MICOS10: variants seen among roughly 807,000 people sequenced by gnomAD.
MICOS10 encodes the protein MICOS complex subunit MIC10.
In MICOS10, 5 loss-of-function variants were observed where a neutral mutation model predicts 13.4. The ratio of observed to expected loss-of-function variants is 0.37; its 90% CI spans 0.20 to 0.78. The LOEUF (loss-of-function observed/expected upper bound fraction) is 0.78. Among genes scored for constraint, MICOS10 ranks in the 30% least tolerant of loss-of-function variants. The pLI is 0.47. For missense variants in MICOS10, 101 were observed against 94.6 expected (o/e 1.07, Z -0.28); for synonymous variants, 35 against 33.6 (o/e 1.04, Z -0.15).
intron 3 of MICOS10, among the ~76,000 whole-genome samples, chr1:19,624,633 C>T (rs2094916069): frequency 6.6e-6 from 1 of 152,102 alleles, no homozygotes; most frequent in Admixed American, 6.5e-5. Flanking sequence ...AACTTCTTAC[C>T]CACACCTCCA....
intron 2 of MICOS10, among the ~76,000 whole-genome samples, chr1:19,622,710 T>C (rs1157718892): frequency 6.6e-6 from 1 of 152,172 alleles, no homozygotes; most frequent in African/African-American, 2.4e-5. Flanking sequence ...AATTAACACA[T>C]AGTGCTGATA....
At chr1:19,623,071 G>A (rs540428338) in intron 2 of MICOS10, among the ~76,000 whole-genome samples, 9 of 151,958 alleles carry the variant, frequency 5.9e-5, no homozygotes, top group East Asian at 1.9e-4. Flanking sequence ...ACAGGCACAC[G>A]CCACCATGCC....
chr1:19,609,194 A>AAG (rs1403475749), intron 1 of MICOS10, among the ~76,000 whole-genome samples: 5 of 151,750 alleles, frequency 3.3e-5, no homozygotes, highest in African/African-American at 7.3e-5. Context: ...TAATCATAGG[A>AAG]AGACAACACA....
At chr1:19,602,866 C>T (rs2094821036) in intron 1 of MICOS10, among the ~76,000 whole-genome samples, 1 of 152,102 alleles carries the variant, frequency 6.6e-6, no homozygotes, top group African/African-American at 2.4e-5. Context: ...TTCTGGTCTC[C>T]ACAGAGCCGA....
At chr1:19,604,434 G>A (rs749645100) in intron 1 of MICOS10, among the ~76,000 whole-genome samples, 1 of 152,104 alleles carries the variant, frequency 6.6e-6, no homozygotes, top group Non-Finnish European at 1.5e-5. Flanking sequence ...GCTGGAACCC[G>A]GGAGTAGCAA....
intron 1 of MICOS10, among the ~76,000 whole-genome samples, chr1:19,607,458 T>G (rs1407234289): frequency 6.6e-6 from 1 of 152,232 alleles, no homozygotes; most frequent in African/African-American, 2.4e-5. Flanking sequence ...AAATATTTAC[T>G]TATAAAAGTC....
intron 1 of MICOS10, among the ~76,000 whole-genome samples, chr1:19,606,211 G>A (rs1161628913): frequency 6.6e-6 from 1 of 152,176 alleles, no homozygotes; most frequent in African/African-American, 2.4e-5. Flanking sequence ...AACTTGAAAT[G>A]CAGGCTCAGG....
chr1:19,604,805 T>A (rs2094828994), intron 1 of MICOS10, among the ~76,000 whole-genome samples: 1 of 152,116 alleles, frequency 6.6e-6, no homozygotes. Flanking sequence ...TTGAGGAATG[T>A]GAAAAGGATG....
rs1030939970 is a variant in MICOS10, at chr1:19,625,677, G to A, written c.223-710G>A. 4.0e-6 allele frequency: 5 copies of A among 1,264,284 alleles called. No individual in the cohort carries two copies. In the African/African-American group the frequency reaches 6.1e-5, roughly 15 times the overall value. 78.3% of individuals were successfully genotyped at this position (1,264,284 alleles called of 1,614,324 possible). Reference sequence around the variant, plus strand: ...TCCATTGTTCCAAACTGAGTTGTCAGGGATAATGGCTCAGGGGTGATTATA... The same window carrying A: ...TCCATTGTTCCAAACTGAGTTGTCAAGGATAATGGCTCAGGGGTGATTATA... On this transcript the variant is annotated intron_variant, in intron 3 of 3. Coordinates refer to ENST00000322753, the MANE Select transcript of MICOS10 (RefSeq NM_001032363.4).
intron 1 of MICOS10, among the ~76,000 whole-genome samples, chr1:19,606,662 C>G (rs908865421): frequency 3.0e-4 from 45 of 152,148 alleles, no homozygotes; most frequent in African/African-American, 1.1e-3. Context: ...AGGAGAATCA[C>G]TTGAACCTGG....
rs545917392 is a variant in MICOS10, at chr1:19,627,589, C to G, written c.*1188C>G. 6.6e-6 allele frequency: 1 copy of G among 152,234 alleles called. No homozygotes were observed. Among genetic ancestry groups the G allele is most frequent in the African/African-American group, 2.4e-5 (1 of 41,444 alleles). The allele number at this position is 152,234 out of a possible 1,614,324, so 9.4% of individuals were successfully genotyped here. On this transcript the variant is annotated 3_prime_UTR_variant, in exon 4 of 4. Coordinates refer to ENST00000322753, the MANE Select transcript of MICOS10 (RefSeq NM_001032363.4). ...TGTCTCCCTAGGATGGCCCCACAGG[C>G]GACGGAATGCCTGCGCTGGGACCCG...
intron 1 of MICOS10, among the ~76,000 whole-genome samples, chr1:19,606,043 A>G (rs1014869006): frequency 6.6e-6 from 1 of 152,196 alleles, no homozygotes; most frequent in African/African-American, 2.4e-5. Flanking sequence ...AACTCTCTGG[A>G]GTGCTAGGAT....
In MICOS10 at chr1:19,596,983, G is replaced by A. The variant is rs367908783; in HGVS notation, c.-63G>A. 6.6e-7 allele frequency: 1 copy of A among 1,518,346 alleles called. No individual in the cohort carries two copies. The highest frequency in any genetic ancestry group is 8.9e-7 in the Non-Finnish European group (1 of 1,128,084). The allele number at this position is 1,518,346 out of a possible 1,614,324, so 94.1% of individuals were successfully genotyped here. A position where few individuals can be genotyped will look rare whatever the true frequency, so the allele number is the denominator to read the frequency against. ...TGGGACTTGTTTCCAGCTCTCGCGA[G>A]ACTTTCAGGGGTCGGAGCGCGGGGG... is the stretch of plus-strand genomic sequence containing the variant. On this transcript the variant is annotated 5_prime_UTR_variant, in exon 1 of 4. Coordinates refer to ENST00000322753, the MANE Select transcript of MICOS10 (RefSeq NM_001032363.4).
chr1:19,612,577 A>G (rs1030071729), intron 1 of MICOS10, among the ~76,000 whole-genome samples: 3 of 151,762 alleles, frequency 2.0e-5, no homozygotes, highest in African/African-American at 4.8e-5. Context: ...ACAAAAATTA[A>G]CTGGGTGTGG....
At chr1:19,621,650 C>T (rs921396889) in intron 1 of MICOS10, among the ~76,000 whole-genome samples, 1 of 152,164 alleles carries the variant, frequency 6.6e-6, no homozygotes, top group African/African-American at 2.4e-5. Context: ...AGGAATTGTT[C>T]TGGATTACTG....
In MICOS10 at chr1:19,626,665, C is replaced by G. The variant is rs2094923161; in HGVS notation, c.*264C>G. 1 of 461,522 alleles carries G rather than the reference C, an allele frequency of 2.2e-6. No individual in the cohort carries two copies. The highest frequency in any genetic ancestry group is 4.0e-5 in the East Asian group (1 of 25,026). The allele number at this position is 461,522 out of a possible 1,614,324, so 28.6% of individuals were successfully genotyped here. A position where few individuals can be genotyped will look rare whatever the true frequency, so the allele number is the denominator to read the frequency against. On this transcript the variant is annotated 3_prime_UTR_variant, in exon 4 of 4. Transcript: ENST00000322753. ...TGGCCTTTGTTTCTTCACCTTTGGT[C>G]TCTGAGCATGAGGAGGACTGTGTGT... is the stretch of plus-strand genomic sequence containing the variant.
At chr1:19,608,472 C>G (rs1171721599) in intron 1 of MICOS10, 1 of 1,256,398 alleles carries the variant, frequency 8.0e-7, no homozygotes, top group Non-Finnish European at 1.2e-6. Context: ...AGAGCCCTTG[C>G]CTGCTCGGGT....
chr1:19,606,093 C>G (rs140445936), intron 1 of MICOS10, among the ~76,000 whole-genome samples: 21 of 152,246 alleles, frequency 1.4e-4, no homozygotes, highest in African/African-American at 4.6e-4. Context: ...ATTGCAAAAT[C>G]TTGCCAAAGA....
chr1:19,603,803 T>C (rs973027651), intron 1 of MICOS10, among the ~76,000 whole-genome samples: 2 of 152,198 alleles, frequency 1.3e-5, no homozygotes, highest in African/African-American at 4.8e-5. Flanking sequence ...AGAAAAATCA[T>C]TGATGAGAAT....
Sources: gnomAD v4.1 joint callset for allele counts (sites outside exome capture counted in the v4.1 genomes callset) on GRCh38, gnomAD v4.1.1 for gene constraint, MANE v1.5 for transcripts, NCBI Gene and HGNC (gene_info 2026-07-23, HGNC 2026-07-21) for gene names.